ENPP6: variants seen among roughly 807,000 people sequenced by gnomAD.
ENPP6 encodes the protein ectonucleotide pyrophosphatase/phosphodiesterase 6.
In ENPP6, 32 loss-of-function variants were observed where a neutral mutation model predicts 42.0. The ratio of observed to expected loss-of-function variants is 0.76; its 90% CI spans 0.58 to 1.02. The LOEUF is 1.02. Among genes scored for constraint, ENPP6 ranks in the 50% least tolerant of loss-of-function variants. ENPP6 has a pLI of 0.00. For missense variants in ENPP6, 552 were observed against 566.8 expected (o/e 0.97, Z 0.27); for synonymous variants, 213 against 216.0 (o/e 0.99, Z 0.12).
At chr4:184,207,087 G>A (rs1733014304) in intron 1 of ENPP6, among the ~76,000 whole-genome samples, 1 of 152,230 alleles carries the variant, frequency 6.6e-6, no homozygotes. Context: ...ACGTTCTTTG[G>A]TGCCTGAAAC....
intron 4 of ENPP6, 39 bp downstream of exon 4, chr4:184,117,720 A>AGAGAGAAG: frequency 6.2e-7 from 1 of 1,606,856 alleles, no homozygotes; most frequent in Non-Finnish European, 8.5e-7. Context: ...AGAGGGTGAC[A>AGAGAGAAG]GAGAGAAGGC....
intron 1 of ENPP6, among the ~76,000 whole-genome samples, chr4:184,209,452 G>A (rs1733073031): frequency 6.6e-6 from 1 of 151,722 alleles, no homozygotes; most frequent in African/African-American, 2.4e-5. Flanking sequence ...GAAGCCTCAG[G>A]AGCCAAAGCA....
intron 1 of ENPP6, among the ~76,000 whole-genome samples, chr4:184,166,839 A>G (rs1436143238): frequency 6.6e-6 from 1 of 152,170 alleles, no homozygotes; most frequent in Non-Finnish European, 1.5e-5. Flanking sequence ...TCCTTTTCCC[A>G]CCCACTGTGC....
intron 2 of ENPP6, among the ~76,000 whole-genome samples, chr4:184,149,319 G>A (rs1736983191): frequency 6.6e-6 from 1 of 152,226 alleles, no homozygotes; most frequent in Admixed American, 6.5e-5. Context: ...TGGCAGGAAA[G>A]AGAAAGAGGC....
intron 1 of ENPP6, among the ~76,000 whole-genome samples, chr4:184,157,866 C>T (rs758181025): frequency 1.1e-4 from 16 of 151,422 alleles, no homozygotes; most frequent in African/African-American, 2.4e-4. Flanking sequence ...GTGATCCACC[C>T]GCCTCAGTAT....
rs34041004 is a variant in ENPP6 at position 184,107,917 on chromosome 4, TAA to T, written c.993+4753_993+4754del. 2.7e-3 allele frequency among the ~76,000 whole-genome samples: 312 copies of T among 115,868 alleles called. 2 individuals are homozygous for T. The highest frequency in any genetic ancestry group is 7.5e-3 in the African/African-American group (255 of 33,828). The allele number at this position is 115,868 out of a possible 152,430, so 76.0% of individuals were successfully genotyped here. On this transcript the variant is annotated intron_variant, in intron 6 of 7. Coordinates refer to ENST00000296741, the MANE Select transcript of ENPP6 (RefSeq NM_153343.4). ...GCAACAGAGCAAGACTCAGTCTCAA[TAA>T]AAAAAAAAAAAAAAAATCTGTTTCT...
At chr4:184,145,047 C>T (rs899120556) in intron 2 of ENPP6, among the ~76,000 whole-genome samples, 8 of 152,224 alleles carry the variant, frequency 5.3e-5, no homozygotes, top group East Asian at 1.9e-4. Flanking sequence ...CCAGGTGGAG[C>T]GCCAGGAGGA....
intron 6 of ENPP6, among the ~76,000 whole-genome samples, chr4:184,112,424 C>T (rs1274444566): frequency 6.6e-6 from 1 of 152,134 alleles, no homozygotes; most frequent in Non-Finnish European, 1.5e-5. Context: ...GAGTTAATGC[C>T]CGTTTGTTAA....
chr4:184,124,500 A>G (rs1438171737), intron 2 of ENPP6, among the ~76,000 whole-genome samples: 1 of 152,258 alleles, frequency 6.6e-6, no homozygotes, highest in Non-Finnish European at 1.5e-5. Context: ...GGTGTCCCAC[A>G]TCAGAGACTG....
intron 1 of ENPP6, among the ~76,000 whole-genome samples, chr4:184,174,539 C>T (rs990287430): frequency 5.5e-5 from 5 of 91,454 alleles, no homozygotes; most frequent in Non-Finnish European, 1.2e-4. Context: ...CCAGAATGAC[C>T]TCATGGTATC....
chr4:184,153,538 A>G lies in ENPP6; in HGVS notation c.421+16T>C. ...TATGATGATTTGAGATTTGGAATGG[A>G]TGTTCACACACTCACCTGGCCAGTA... On this transcript the variant is annotated intron_variant, in intron 2 of 7. Transcript: ENST00000296741. 2 of 1,600,408 alleles carry G rather than the reference A, an allele frequency of 1.2e-6. No homozygotes were observed. The highest frequency in any genetic ancestry group is 1.7e-6 in the Non-Finnish European group (2 of 1,173,140).
intron 1 of ENPP6, among the ~76,000 whole-genome samples, chr4:184,194,124 C>G (rs931015359): frequency 6.6e-6 from 1 of 152,296 alleles, no homozygotes; most frequent in Admixed American, 6.5e-5. Context: ...CCATCATGGT[C>G]CCTCATCTAC....
chr4:184,110,033 G>A (rs1007133547), intron 6 of ENPP6, among the ~76,000 whole-genome samples: 6 of 152,136 alleles, frequency 3.9e-5, no homozygotes, highest in African/African-American at 9.7e-5. Context: ...AGCAGAGTAC[G>A]GGACGGAAGG....
At chr4:184,127,589 C>T (rs1736524991) in intron 2 of ENPP6, among the ~76,000 whole-genome samples, 1 of 152,156 alleles carries the variant, frequency 6.6e-6, no homozygotes, top group African/African-American at 2.4e-5. Context: ...GAAACCCTGC[C>T]TCTACCAAAA....
chr4:184,105,831 A>C (rs531450476), intron 6 of ENPP6, among the ~76,000 whole-genome samples: 8 of 152,340 alleles, frequency 5.3e-5, no homozygotes, highest in African/African-American at 1.9e-4. Flanking sequence ...AACCAGTATT[A>C]CTAATTAAAG....
At chr4:184,206,478 G>A (rs558458171) in intron 1 of ENPP6, among the ~76,000 whole-genome samples, 16 of 147,846 alleles carry the variant, frequency 1.1e-4, no homozygotes, top group Admixed American at 3.4e-4. Flanking sequence ...GGATGGTCTC[G>A]ATCTCCTGAC....
At chr4:184,101,283 TTAA>T (rs1198652404) in intron 6 of ENPP6, among the ~76,000 whole-genome samples, 8 of 150,156 alleles carry the variant, frequency 5.3e-5, no homozygotes, top group Admixed American at 1.3e-4. Context: ...CACGTGTGTG[TTAA>T]TGTTTATGTG....
intron 1 of ENPP6, among the ~76,000 whole-genome samples, chr4:184,165,755 C>T (rs572646263): frequency 5.0e-4 from 76 of 152,324 alleles, no homozygotes; most frequent in African/African-American, 1.7e-3. Context: ...GTTCTGAAAT[C>T]AGGGGTCTCA....
intron 7 of ENPP6, 134 bp from the exon 8 acceptor site, chr4:184,091,516 TG>T: frequency 1.3e-6 from 1 of 779,812 alleles, no homozygotes; most frequent in South Asian, 1.9e-5. Flanking sequence ...CAGTGGGGTG[TG>T]GCCTAGTGAG....
Sources: gnomAD v4.1 joint callset for allele counts (sites outside exome capture counted in the v4.1 genomes callset) on GRCh38, gnomAD v4.1.1 for gene constraint, MANE v1.5 for transcripts, NCBI Gene and HGNC (gene_info 2026-07-23, HGNC 2026-07-21) for gene names.